Variants in NBPF9 observed in about 807,000 individuals in gnomAD.
NBPF9 encodes NBPF member 9.
Under a neutral mutation model 97.8 loss-of-function variants are expected in NBPF9, and 91 were observed. That is an observed-to-expected ratio of 0.93 (90% CI 0.79 to 1.11). The LOEUF (loss-of-function observed/expected upper bound fraction) is 1.11, where lower values mean the gene tolerates loss of function less well. Ranked by LOEUF, NBPF9 falls within the 50% of genes least tolerant of loss-of-function variation. The probability of loss-of-function intolerance (pLI) is 0.00; values close to 1 mark genes in which losing one functional copy is unlikely to be tolerated. For synonymous variants in NBPF9, 334 were observed against 359.5 expected (o/e 0.93, Z 0.80); for missense variants, 992 against 939.5 (o/e 1.06, Z -0.73).
chr1:149,074,252 G>A (rs2079659507), intron 12 of NBPF9, among the ~76,000 whole-genome samples: 1 of 151,236 alleles, frequency 6.6e-6, no homozygotes, highest in Admixed American at 6.6e-5. Context: ...AGTCGGGAAG[G>A]CCCCTAGGAC....
chr1:149,072,816 G>A (rs2079523961), exon 14 of NBPF9: 3 of 1,595,312 alleles, frequency 1.9e-6, no homozygotes, highest in East Asian at 2.2e-5. Flanking sequence ...CTCATCCGGA[G>A]TGAGGAGGGC....
Position 149,077,425 on chromosome 1 carries a change from G to C in NBPF9, c.567-6C>G. 6.2e-7 allele frequency: 1 copy of C among 1,608,928 alleles called. No homozygotes were observed. Among genetic ancestry groups the C allele is most frequent in the East Asian group, 2.2e-5 (1 of 44,860 alleles). On this transcript the variant is annotated splice_region_variant and splice_polypyrimidine_tract_variant and intron_variant, in intron 10 of 29. Transcript: ENST00000584027. ...CTTCAGCCTTCTGCACCTCCCTGAT[G>C]AGCCAGGTGGGACAGAGATGACAGA...
chr1:149,081,965 T>A lies in NBPF9; in HGVS notation c.175A>T (p.Lys59Ter). The A allele has an allele frequency of 3.8e-6, 6 of 1,575,296 alleles. No homozygotes were observed. The highest frequency in any genetic ancestry group is 4.3e-6 in the Non-Finnish European group (5 of 1,153,976). ...ATGACGGTGAGCCTATAGATCTTAC[T>A]GTATTTCTTCTGTCGGTTGGCCAGG... The change falls in exon 7 of 30, where the codon AAG (lysine) becomes TAG (stop). Residue 59 changes from lysine to a stop codon, truncating the protein, a stop_gained and splice_region_variant. Coordinates refer to ENST00000584027, the Ensembl canonical transcript of NBPF9. LOFTEE classifies it high-confidence loss of function.
At chr1:149,080,499 T>G (rs2080333824) in intron 7 of NBPF9, among the ~76,000 whole-genome samples, 1 of 150,578 alleles carries the variant, frequency 6.6e-6, no homozygotes, top group African/African-American at 2.4e-5. Context: ...AACACTGCAC[T>G]GGGGCATGAA....
chr1:149,101,951 CAG>C (rs1299317494), intron 2 of NBPF9, among the ~76,000 whole-genome samples: 7 of 114,550 alleles, frequency 6.1e-5, no homozygotes, highest in African/African-American at 1.7e-4. Context: ...TTTTTGGAGA[CAG>C]GGTCTCACTC....
chr1:149,078,880 G>A lies in NBPF9; in HGVS notation c.493+127C>T, dbSNP rs1486671853. Reference sequence around the variant, plus strand: ...TGTTCTTACCCAGGAAGTCCTGATCGTGTCATGGCCACATATGTGTAGCAG... The same window carrying A: ...TGTTCTTACCCAGGAAGTCCTGATCATGTCATGGCCACATATGTGTAGCAG... On this transcript the variant is annotated intron_variant, in intron 9 of 29. Transcript: ENST00000584027. The A allele has an allele frequency of 1.1e-3, 1,679 of 1,518,722 alleles. 15 individuals are homozygous for A. The highest frequency in any genetic ancestry group is 3.1e-3 in the African/African-American group (228 of 73,048). The allele number at this position is 1,518,722 out of a possible 1,614,324, so 94.1% of individuals were successfully genotyped here. A position where few individuals can be genotyped will look rare whatever the true frequency, so the allele number is the denominator to read the frequency against.
chr1:149,064,535 A>G lies in NBPF9; in HGVS notation c.1802-53T>C, dbSNP rs587672248. The G allele has an allele frequency of 9.8e-6, 13 of 1,331,542 alleles. 3 individuals carry two copies. In the East Asian group the frequency reaches 1.3e-4, roughly 13 times the overall value. The allele number at this position is 1,331,542 out of a possible 1,614,324, so 82.5% of individuals were successfully genotyped here. A position where few individuals can be genotyped will look rare whatever the true frequency, so the allele number is the denominator to read the frequency against. ...TACATTAAGCAGTCCTTCCTTGCAC[A>G]CAGAAACATTCCTCTGTCCAATCCT... is the stretch of plus-strand genomic sequence containing the variant. On this transcript the variant is annotated intron_variant, in intron 18 of 29. Coordinates refer to ENST00000584027, the Ensembl canonical transcript of NBPF9.
chr1:149,056,012 C>A, intron 29 of NBPF9, 113 bp from the exon 30 acceptor site: 3 of 1,594,878 alleles, frequency 1.9e-6, no homozygotes, highest in South Asian at 1.1e-5. Flanking sequence ...AAGGATAGAT[C>A]CATTAATGAG....
At position 149,095,836 on chromosome 1, in the gene NBPF9, T is replaced by C. The variant is rs1381265774; in HGVS notation, c.-337+2602A>G. 2.0e-5 allele frequency among the ~76,000 whole-genome samples: 3 copies of C among 151,784 alleles called. No individual in the cohort carries two copies. In the East Asian group the frequency reaches 5.9e-4, roughly 30 times the overall value. On this transcript the variant is annotated intron_variant, in intron 4 of 29. Coordinates refer to ENST00000584027, the Ensembl canonical transcript of NBPF9. ...GTCGAAGATGAGGAACAACCAGAAC[T>C]CTCCATAGCTAGTGGAAATCAAAAG...
At chr1:149,077,391 C>A in exon 11 of NBPF9, 2 of 1,610,046 alleles carry the variant, frequency 1.2e-6, no homozygotes, top group Non-Finnish European at 1.7e-6. Flanking sequence ...TCCTCAGCGA[C>A]TTTGCTCTCT....
chr1:149,077,646 G>C (rs1310171355), intron 10 of NBPF9, among the ~76,000 whole-genome samples: 1 of 152,188 alleles, frequency 6.6e-6, no homozygotes, highest in Non-Finnish European at 1.5e-5. Context: ...GCACTGGACA[G>C]ATAGGAGCTG....
At chr1:149,085,505 T>C (rs2080918807) in intron 5 of NBPF9, among the ~76,000 whole-genome samples, 1 of 152,156 alleles carries the variant, frequency 6.6e-6, no homozygotes, top group East Asian at 1.9e-4. Flanking sequence ...AATCTCCTAC[T>C]AGAAATAATA....
chr1:149,090,376 C>A (rs587747725), intron 5 of NBPF9: 7 of 211,918 alleles, frequency 3.3e-5, no homozygotes, highest in Admixed American at 2.1e-4. Context: ...CACTCACAAC[C>A]ACTGAACCAA....
At position 149,055,829 on chromosome 1, in the gene NBPF9, T is replaced by C. The variant is rs376108642; in HGVS notation, c.3163A>G (p.Thr1055Ala). 3.9e-4 allele frequency: 620 copies of C among 1,605,122 alleles called. 8 individuals are homozygous for C. In the African/African-American group the frequency reaches 7.2e-3, roughly 19 times the overall value. ...GGTAGTTCAAAGTACATTGACGGAG[T>C]AGAATAACATCCATCCAGTGAGTCC... Residue 1055 changes from threonine (T) to alanine (A), a missense_variant, in exon 30 of 30, where the codon ACT becomes GCT. By Grantham distance (58) the Thr-to-Ala change is moderately conservative. Transcript: ENST00000584027.
At position 149,082,187 on chromosome 1, in the gene NBPF9, A is replaced by T; in HGVS notation, c.-35-13T>A. The T allele has an allele frequency of 6.2e-7, 1 of 1,610,526 alleles. No individual in the cohort carries two copies. Among genetic ancestry groups the T allele is most frequent in the South Asian group, 1.1e-5 (1 of 90,914 alleles). ...GTGGGGCCAGGGACTGGGGAGAAGA[A>T]ACCCAAACATATGATGGGTTAAAAA... On this transcript the variant is annotated splice_polypyrimidine_tract_variant and intron_variant, in intron 6 of 29. Transcript: ENST00000584027.
chr1:149,075,981 C>A (rs587627064), intron 11 of NBPF9, 117 bp from the exon 12 acceptor site: 58 of 993,818 alleles, frequency 5.8e-5, no homozygotes, highest in Non-Finnish European at 8.1e-5. Context: ...GATGTTGTTT[C>A]CCTGGTTTCA....
rs587751778 is a variant in NBPF9, at chr1:149,068,581, C to G, written c.1637+1013G>C. Reference sequence around the variant, plus strand: ...CAATTCAACAGGAAGAGTTAACTATCCTAAATATATATGCACCCTATACAG... The same window carrying G: ...CAATTCAACAGGAAGAGTTAACTATGCTAAATATATATGCACCCTATACAG... On this transcript the variant is annotated intron_variant, in intron 17 of 29. Coordinates refer to ENST00000584027, the Ensembl canonical transcript of NBPF9. 1.3e-3 allele frequency among the ~76,000 whole-genome samples: 198 copies of G among 151,686 alleles called. 1 individual carries two copies. The highest frequency in any genetic ancestry group is 4.4e-3 in the African/African-American group (183 of 41,206).
downstream of NBPF9, among the ~76,000 whole-genome samples, chr1:149,052,987 AC>A (rs1553647862): frequency 1.0e-5 from 1 of 95,912 alleles, no homozygotes; most frequent in Non-Finnish European, 2.0e-5. Flanking sequence ...TGGGAGCCAC[AC>A]GACGGCAGAG....
chr1:149,089,089 C>T (rs1433906841), intron 5 of NBPF9, among the ~76,000 whole-genome samples: 6 of 152,086 alleles, frequency 3.9e-5, no homozygotes, highest in South Asian at 2.1e-4. Flanking sequence ...CCAAGTCCCA[C>T]GGCCTGTCCT....
Sources: allele counts gnomAD v4.1 joint callset (sites outside exome capture counted in the v4.1 genomes callset), GRCh38; gene constraint gnomAD v4.1.1; transcripts MANE v1.5; gene names NCBI Gene and HGNC (gene_info 2026-07-23, HGNC 2026-07-21).